The following ATP2A3 variants were observed in gnomAD, a reference collection of about 807,000 sequenced individuals.
ATP2A3 encodes the protein sarcoplasmic/endoplasmic reticulum calcium ATPase 3.
A neutral mutation model predicts 106.8 loss-of-function variants in ATP2A3; 61 were observed. That is an observed-to-expected ratio of 0.57 (90% CI 0.46 to 0.71). ATP2A3 has a LOEUF of 0.71. Ranked by LOEUF, ATP2A3 falls within the 30% of genes least tolerant of loss-of-function variation. The probability of loss-of-function intolerance (pLI) is 0.00; values close to 1 mark genes in which losing one functional copy is unlikely to be tolerated. For synonymous variants in ATP2A3, 611 were observed against 609.3 expected (o/e 1.00, Z -0.04); for missense variants, 1,201 against 1,423.5 (o/e 0.84, Z 2.52).
In ATP2A3 at chr17:3,953,131, G is replaced by T; in HGVS notation, c.219+216C>A. 1.7e-6 allele frequency: 1 copy of T among 604,534 alleles called. No individual in the cohort carries two copies. Among genetic ancestry groups the T allele is most frequent in the East Asian group, 2.8e-5 (1 of 35,252 alleles). The allele number at this position is 604,534 out of a possible 1,614,324, so 37.4% of individuals were successfully genotyped here. On this transcript the variant is annotated intron_variant, in intron 3 of 20. Transcript: ENST00000397041. This position sits in a 1 kb window ranked among gnomAD's most constrained non-coding sequence, Gnocchi z 5.1. ...GAGAGCCAGAGGATAAGATGGATTG[G>T]AGGGGTCAGGTGGGAGCCGGGGACC...
chr17:3,951,200 T>TAAATAAATAAATAAAATA (rs1555563872), intron 5 of ATP2A3, 51 bp downstream of exon 5: 1 of 1,210,210 alleles, frequency 8.3e-7, no homozygotes. Context: ...ATAAATAAAA[T>TAAATAAATAAATAAAATA]AAATAAATAA....
chr17:3,958,518 C>T (rs2054913562), intron 1 of ATP2A3, among the ~76,000 whole-genome samples: 1 of 151,952 alleles, frequency 6.6e-6, no homozygotes, highest in Non-Finnish European at 1.5e-5. Flanking sequence ...TCTGTCCCCA[C>T]CTGCCCTTCT....
chr17:3,934,354 G>A (rs184344903), intron 17 of ATP2A3, among the ~76,000 whole-genome samples: 1 of 152,096 alleles, frequency 6.6e-6, no homozygotes, highest in Non-Finnish European at 1.5e-5. Flanking sequence ...CTCCCAAGAA[G>A]CTACAGGCAC....
In ATP2A3 at chr17:3,936,358, C is replaced by A; in HGVS notation, c.2433G>T (p.Pro811=). The A allele has an allele frequency of 1.9e-6, 3 of 1,614,114 alleles. No homozygotes were observed. The highest frequency in any genetic ancestry group is 2.5e-6 in the Non-Finnish European group (3 of 1,180,024). The change falls in exon 16 of 21, where the codon CCG becomes CCT. Residue 811 remains proline, a synonymous_variant. Coordinates refer to ENST00000397041, the MANE Select transcript of ATP2A3 (RefSeq NM_005173.4). The surrounding 1 kb of genome is among the most constrained non-coding windows in gnomAD (Gnocchi z 5.4). ...GLPATALGFN[P]PDLDIMEKLP... ...GCTTCTCCATGATGTCCAGGTCTGGCGGGTTGAAGCCCAGAGCCGTGGCAG... is the reference window on the plus strand; with the variant it reads ...GCTTCTCCATGATGTCCAGGTCTGGAGGGTTGAAGCCCAGAGCCGTGGCAG...
intron 1 of ATP2A3, 67 bp downstream of exon 1, chr17:3,964,107 G>C: frequency 1.1e-6 from 1 of 873,370 alleles, no homozygotes; most frequent in Non-Finnish European, 1.4e-6. Context: ...GGGGAGGCAG[G>C]AGGGGAAACT....
chr17:3,963,585 G>A (rs2144814099), intron 1 of ATP2A3, among the ~76,000 whole-genome samples: 1 of 152,328 alleles, frequency 6.6e-6, no homozygotes, highest in East Asian at 1.9e-4. Context: ...CCAGGAAGGT[G>A]GGTCTCCCGC....
At position 3,953,856 on chromosome 17, in the gene ATP2A3, A is replaced by G; in HGVS notation, c.119-146T>C. On this transcript the variant is annotated intron_variant, in intron 1 of 20. Transcript: ENST00000397041. The surrounding 1 kb of genome is among the most constrained non-coding windows in gnomAD (Gnocchi z 5.1). ...CTGGATGTATCCCCAGGGCTCTCTG[A>G]GGCCACAGGATAAATGGTTTGAGCC... 2 of 885,410 alleles carry G rather than the reference A, an allele frequency of 2.3e-6. No individual in the cohort carries two copies. Among genetic ancestry groups the G allele is most frequent in the Non-Finnish European group, 3.7e-6 (2 of 543,730 alleles). The allele number at this position is 885,410 out of a possible 1,614,324, so 54.8% of individuals were successfully genotyped here. A position where few individuals can be genotyped will look rare whatever the true frequency, so the allele number is the denominator to read the frequency against.
At chr17:3,934,410 G>A (rs755685286) in intron 17 of ATP2A3, among the ~76,000 whole-genome samples, 76 of 152,096 alleles carry the variant, frequency 5.0e-4, no homozygotes, top group Middle Eastern at 6.8e-3. Context: ...GGTAGAGATG[G>A]GGTCTCACTG....
Position 3,928,234 on chromosome 17 carries a change from G to A in ATP2A3, c.2980+429C>T. 1 of 1,613,650 alleles carries A rather than the reference G, an allele frequency of 6.2e-7. No individual in the cohort carries two copies. Among genetic ancestry groups the A allele is most frequent in the South Asian group, 1.1e-5 (1 of 91,090 alleles). ...CCACCCACAAGGTGATACCAAAGAG[G>A]CCAACCCGGTGTGGTCTGGGGTCCA... On this transcript the variant is annotated intron_variant, in intron 20 of 20. Transcript: ENST00000397041. The surrounding 1 kb of genome is among the most constrained non-coding windows in gnomAD (Gnocchi z 6.1).
chr17:3,934,905 C>G (rs1161561192), intron 17 of ATP2A3: 2 of 427,938 alleles, frequency 4.7e-6, no homozygotes, highest in Non-Finnish European at 8.8e-6. Flanking sequence ...GAGGCCTCAA[C>G]GTTTTAGGGG....
Position 3,953,329 on chromosome 17 carries a change from T to C in ATP2A3, c.219+18A>G. 6.2e-7 allele frequency: 1 copy of C among 1,613,154 alleles called. No homozygotes were observed. Among genetic ancestry groups the C allele is most frequent in the Non-Finnish European group, 8.5e-7 (1 of 1,179,410 alleles). ...GGGCTACCGACTACCACAGGATGGC[T>C]GGCAGGGCCCTACTTACAAAGGAGA... On this transcript the variant is annotated intron_variant, in intron 3 of 20. Transcript: ENST00000397041. The surrounding 1 kb of genome is among the most constrained non-coding windows in gnomAD (Gnocchi z 5.1).
Position 3,925,423 on chromosome 17 carries a change from C to A in ATP2A3, c.2999G>T (p.Ter1000LeuextTer42). ...GAGACTCCACTCTGTTCCCAGCGCT[C>A]ACTTCTGGCTCATTTCTTCTGGAAG... ...NHMHEEMSQK[*>L] Residue 1000 changes from the stop codon to leucine (L), a stop_lost, in exon 21 of 21, where the codon TGA becomes TTA. Coordinates refer to ENST00000397041, the MANE Select transcript of ATP2A3 (RefSeq NM_005173.4). This position sits in a 1 kb window ranked among gnomAD's most constrained non-coding sequence, Gnocchi z 4.2. 6.2e-7 allele frequency: 1 copy of A among 1,613,772 alleles called. No homozygotes were observed. The highest frequency in any genetic ancestry group is 8.5e-7 in the Non-Finnish European group (1 of 1,179,908).
chr17:3,941,313 G>A lies in ATP2A3; in HGVS notation c.1765-7C>T, dbSNP rs750988113. 7 of 1,613,562 alleles carry A rather than the reference G, an allele frequency of 4.3e-6. No homozygotes were observed. The highest frequency in any genetic ancestry group is 2.2e-5 in the East Asian group (1 of 44,886). ...CCACGAAGGTCAGGTCCGTCTGTAG[G>A]GAGGGGGCAGATTCAAGCGGGGCCT... On this transcript the variant is annotated splice_region_variant and splice_polypyrimidine_tract_variant and intron_variant, in intron 13 of 20. Coordinates refer to ENST00000397041, the MANE Select transcript of ATP2A3 (RefSeq NM_005173.4).
intron 1 of ATP2A3, among the ~76,000 whole-genome samples, chr17:3,958,545 C>A (rs2054915270): frequency 6.6e-6 from 1 of 151,914 alleles, no homozygotes; most frequent in Non-Finnish European, 1.5e-5. Context: ...ATGTCTGTAT[C>A]CCGAATGCAC....
chr17:3,956,828 C>T (rs565353729), intron 1 of ATP2A3, among the ~76,000 whole-genome samples: 1 of 152,338 alleles, frequency 6.6e-6, no homozygotes, highest in African/African-American at 2.4e-5. Flanking sequence ...TGGCTTCCTC[C>T]GCAAAGCTCC....
At chr17:3,949,533 C>T (rs2054299157) in intron 7 of ATP2A3, among the ~76,000 whole-genome samples, 1 of 152,192 alleles carries the variant, frequency 6.6e-6, no homozygotes, top group Non-Finnish European at 1.5e-5. Flanking sequence ...GGAGGCTCTG[C>T]CCTTCTCCAG....
intron 16 of ATP2A3, among the ~76,000 whole-genome samples, chr17:3,935,585 T>C (rs1337654220): frequency 1.4e-5 from 2 of 144,646 alleles, no homozygotes; most frequent in African/African-American, 5.2e-5. Flanking sequence ...TCGCCCAGGC[T>C]GGAGTGCAAT....
rs1479608938 is a variant in ATP2A3, at chr17:3,926,716, C to A, written c.2981-1275G>T. ...TCCCGAGTAGCTGGGATTATAGGCA[C>A]CTGCCACCACGCCCAGCTAATTTTT... is the stretch of plus-strand genomic sequence containing the variant. On this transcript the variant is annotated intron_variant, in intron 20 of 20. Coordinates refer to ENST00000397041, the MANE Select transcript of ATP2A3 (RefSeq NM_005173.4). The surrounding 1 kb of genome is among the most constrained non-coding windows in gnomAD (Gnocchi z 4.6). The A allele has an allele frequency of 1.5e-5, 5 of 322,816 alleles. 1 individual carries two copies. Among genetic ancestry groups the A allele is most frequent in the Non-Finnish European group, 2.2e-5 (5 of 224,470 alleles). The allele number at this position is 322,816 out of a possible 1,614,324, so 20.0% of individuals were successfully genotyped here. A position where few individuals can be genotyped will look rare whatever the true frequency, so the allele number is the denominator to read the frequency against.
Position 3,941,055 on chromosome 17 carries a change from G to A in ATP2A3, c.2016C>T (p.Thr672=), listed in dbSNP as rs573146508. The A allele has an allele frequency of 2.9e-5, 46 of 1,613,446 alleles. No individual in the cohort carries two copies. The highest frequency in any genetic ancestry group is 1.2e-4 in the Admixed American group (7 of 59,980). The change falls in exon 14 of 21, where the codon ACC becomes ACT. Residue 672 remains threonine, a synonymous_variant. Coordinates refer to ENST00000397041, the MANE Select transcript of ATP2A3 (RefSeq NM_005173.4). ...GCTCCACGCGGGCGAAGCAGCGGGC[G>A]GTGCGGCAGGCCTGGCGCTGCTGCT... The part of the protein sequence containing the change: ...SPEQQRQACR[T]ARCFARVEPA...
Sources: allele counts gnomAD v4.1 joint callset (sites outside exome capture counted in the v4.1 genomes callset), GRCh38; gene constraint gnomAD v4.1.1; non-coding constraint Gnocchi (gnomAD v3.1); transcripts MANE v1.5; gene names NCBI Gene and HGNC (gene_info 2026-07-23, HGNC 2026-07-21).